KLF12: variants seen among roughly 807,000 people sequenced by gnomAD.
The protein encoded by KLF12 is KLF transcription factor 12, also known as Krueppel-like factor 12.
KLF12 carries 9 observed loss-of-function variants against 37.8 expected under a neutral mutation model. That is an observed-to-expected ratio of 0.24 (90% CI 0.14 to 0.42). KLF12 has a LOEUF of 0.42. Ranked by LOEUF, KLF12 falls within the 10% of genes least tolerant of loss-of-function variation. The pLI is 1.00. For synonymous variants in KLF12, 208 were observed against 202.1 expected (o/e 1.03, Z -0.25); for missense variants, 411 against 516.0 (o/e 0.80, Z 1.97).
At chr13:73,723,551 T>G (rs775576191) in intron 6 of KLF12, among the ~76,000 whole-genome samples, 26 of 152,160 alleles carry the variant, frequency 1.7e-4, no homozygotes, top group Non-Finnish European at 3.2e-4. Flanking sequence ...TTAATCGGAA[T>G]GCCTTAAGGG....
At chr13:74,304,979 A>C in the KLF12 span, among the ~76,000 whole-genome samples, 3 of 152,110 alleles carry the variant, frequency 2.0e-5, no homozygotes, top group Admixed American at 2.0e-4. Flanking sequence ...ATCTGTGTCT[A>C]TACAGTCAGA....
chr13:73,939,057 T>C (rs879708740), intron 3 of KLF12, among the ~76,000 whole-genome samples: 1 of 152,190 alleles, frequency 6.6e-6, no homozygotes, highest in East Asian at 1.9e-4. Context: ...CTATTGCCGC[T>C]CTTCTCTGCC....
upstream of KLF12, among the ~76,000 whole-genome samples, chr13:74,137,501 C>T (rs1039109216): frequency 6.6e-5 from 10 of 152,224 alleles, no homozygotes; most frequent in African/African-American, 1.7e-4. Context: ...TTCTTAATTT[C>T]TTACACATAA....
chr13:73,862,776 G>C (rs1885996771), intron 3 of KLF12, among the ~76,000 whole-genome samples: 2 of 152,090 alleles, frequency 1.3e-5, no homozygotes, highest in African/African-American at 4.8e-5. Flanking sequence ...AAAAAGAAAA[G>C]AGTCAGGCAC....
chr13:74,202,563 A>C, the KLF12 span, among the ~76,000 whole-genome samples: 4 of 152,154 alleles, frequency 2.6e-5, no homozygotes, highest in African/African-American at 9.6e-5. Flanking sequence ...TGCCAGATTA[A>C]CAATAAGCAA....
intron 5 of KLF12, among the ~76,000 whole-genome samples, chr13:73,774,999 C>A (rs1054515211): frequency 1.3e-5 from 2 of 150,958 alleles, no homozygotes; most frequent in African/African-American, 4.9e-5. Context: ...CTCACTGCAA[C>A]CTCTGCCTCC....
chr13:73,846,393 A>C lies in KLF12; in HGVS notation c.124-20T>G. 6.3e-7 allele frequency: 1 copy of C among 1,586,074 alleles called. No homozygotes were observed. Among genetic ancestry groups the C allele is most frequent in the African/African-American group, 1.4e-5 (1 of 73,712 alleles). On this transcript the variant is annotated intron_variant, in intron 3 of 7. Transcript: ENST00000377669. ...TGGAGACTGTGGGGAGAAAAATGGA[A>C]CATATATTTATCTTTGTTTATCACA... is the stretch of plus-strand genomic sequence containing the variant.
chr13:73,855,891 A>T, intron 3 of KLF12, among the ~76,000 whole-genome samples: 1 of 152,226 alleles, frequency 6.6e-6, no homozygotes, highest in East Asian at 1.9e-4. Context: ...AATAAAATAC[A>T]TTCACATAAA....
chr13:73,700,375 T>C (rs958568338), intron 7 of KLF12, among the ~76,000 whole-genome samples: 1 of 151,832 alleles, frequency 6.6e-6, no homozygotes, highest in African/African-American at 2.4e-5. Flanking sequence ...TAATAAGGAA[T>C]GAAAACCTTT....
chr13:74,200,443 AT>A, the KLF12 span, among the ~76,000 whole-genome samples: 4 of 152,116 alleles, frequency 2.6e-5, no homozygotes, highest in Admixed American at 6.6e-5. Flanking sequence ...ATTATGTGTC[AT>A]GGAAGGGTTT....
chr13:73,925,228 C>T (rs1275724889), intron 3 of KLF12, among the ~76,000 whole-genome samples: 1 of 152,226 alleles, frequency 6.6e-6, no homozygotes, highest in African/African-American at 2.4e-5. Flanking sequence ...GCATCTAGGA[C>T]TTGCATAGCA....
chr13:74,025,532 C>T (rs970406559), intron 1 of KLF12, among the ~76,000 whole-genome samples: 5 of 149,912 alleles, frequency 3.3e-5, no homozygotes, highest in African/African-American at 1.2e-4. Flanking sequence ...TAGTGAGTTA[C>T]ACATGTTGGA....
At chr13:74,284,878 A>G in the KLF12 span, among the ~76,000 whole-genome samples, 2 of 152,212 alleles carry the variant, frequency 1.3e-5, no homozygotes, top group Admixed American at 6.5e-5. Context: ...CTTATGCAAC[A>G]TCCCATATCC....
chr13:73,936,027 T>G (rs1377697681), intron 3 of KLF12, among the ~76,000 whole-genome samples: 1 of 152,234 alleles, frequency 6.6e-6, no homozygotes, highest in Non-Finnish European at 1.5e-5. Context: ...TTCCTTCACA[T>G]TTGTGAGCAT....
intron 1 of KLF12, among the ~76,000 whole-genome samples, chr13:74,014,653 T>C (rs1283392521): frequency 6.6e-6 from 1 of 152,206 alleles, no homozygotes; most frequent in Non-Finnish European, 1.5e-5. Flanking sequence ...ATTGTTAAAG[T>C]TATATATGCT....
At chr13:74,102,148 G>C (rs1226114651) in intron 1 of KLF12, among the ~76,000 whole-genome samples, 1 of 151,242 alleles carries the variant, frequency 6.6e-6, no homozygotes, top group Admixed American at 6.6e-5. Context: ...AACCCAGGAG[G>C]CAGAGGTAGC....
chr13:74,069,436 T>C (rs1248449110), intron 1 of KLF12, among the ~76,000 whole-genome samples: 1 of 152,090 alleles, frequency 6.6e-6, no homozygotes, highest in African/African-American at 2.4e-5. Context: ...GTGACACAGA[T>C]GAGGTACGAA....
At chr13:73,986,657 A>G (rs2138214560) in intron 2 of KLF12, among the ~76,000 whole-genome samples, 1 of 152,340 alleles carries the variant, frequency 6.6e-6, no homozygotes, top group Admixed American at 6.5e-5. Context: ...TAAGGAGATC[A>G]TCCTGGATTA....
chr13:73,966,952 AC>A (rs1292931641), intron 2 of KLF12, among the ~76,000 whole-genome samples: 2 of 152,196 alleles, frequency 1.3e-5, no homozygotes, highest in Non-Finnish European at 2.9e-5. Context: ...TTGCATATTG[AC>A]CTGTAAGTTT....
Sources: allele counts gnomAD v4.1 joint callset (sites outside exome capture counted in the v4.1 genomes callset), GRCh38; gene constraint gnomAD v4.1.1; transcripts MANE v1.5; gene names NCBI Gene and HGNC (gene_info 2026-07-23, HGNC 2026-07-21).